STK10: variants seen among roughly 807,000 people sequenced by gnomAD.
The protein encoded by STK10 is serine/threonine-protein kinase 10.
A neutral mutation model predicts 113.8 loss-of-function variants in STK10; 78 were observed. The observed-to-expected ratio is 0.69, with a 90% CI of 0.57 to 0.83. The LOEUF is 0.83. Among genes scored for constraint, STK10 ranks in the 40% least tolerant of loss-of-function variants. The probability of loss-of-function intolerance (pLI) is 0.00; values close to 1 mark genes in which losing one functional copy is unlikely to be tolerated. For synonymous variants in STK10, 465 were observed against 494.7 expected (o/e 0.94, Z 0.80); for missense variants, 1,109 against 1,280.1 (o/e 0.87, Z 2.04).
chr5:172,101,998 G>A (rs987647512), intron 7 of STK10, among the ~76,000 whole-genome samples: 2 of 152,130 alleles, frequency 1.3e-5, no homozygotes, highest in African/African-American at 4.8e-5. Flanking sequence ...GCACTCTAAG[G>A]GGCCCTGAGA....
chr5:172,057,400 G>C lies in STK10; in HGVS notation c.2286C>G (p.Leu762=). ...QERHQLVKQQ[L]KDQYFLQRHE... ...GCCGCTGGAGGAAGTACTGGTCTTT[G>C]AGCTGCTGCTTCACCAGCTGGTGCC... Residue 762 remains leucine, a synonymous_variant, in exon 15 of 19, where the codon CTC becomes CTG. Transcript: ENST00000176763. 6.4e-7 allele frequency: 1 copy of C among 1,556,566 alleles called. No individual in the cohort carries two copies. The highest frequency in any genetic ancestry group is 8.7e-7 in the Non-Finnish European group (1 of 1,150,336).
intron 12 of STK10, among the ~76,000 whole-genome samples, chr5:172,079,124 A>G (rs1247950010): frequency 6.6e-6 from 1 of 152,158 alleles, no homozygotes; most frequent in East Asian, 1.9e-4. Context: ...TGTTAACAGG[A>G]TTATTAAAAT....
At chr5:172,123,235 A>G (rs1769552955) in intron 3 of STK10, among the ~76,000 whole-genome samples, 1 of 152,014 alleles carries the variant, frequency 6.6e-6, no homozygotes, top group Non-Finnish European at 1.5e-5. Context: ...GGTCAACACT[A>G]AACAGAGAGC....
intron 1 of STK10, among the ~76,000 whole-genome samples, chr5:172,164,809 G>A (rs867934307): frequency 6.6e-6 from 1 of 151,710 alleles, no homozygotes; most frequent in African/African-American, 2.4e-5. Context: ...ACAAGCGGCT[G>A]TCTGTGGCCT....
intron 2 of STK10, among the ~76,000 whole-genome samples, chr5:172,136,930 C>T (rs1444934234): frequency 3.3e-5 from 5 of 151,916 alleles, no homozygotes; most frequent in Non-Finnish European, 7.4e-5. Context: ...CACCCATCAA[C>T]CCATCATCTA....
At chr5:172,103,944 G>A (rs1769046875) in intron 7 of STK10, among the ~76,000 whole-genome samples, 1 of 152,142 alleles carries the variant, frequency 6.6e-6, no homozygotes, top group Non-Finnish European at 1.5e-5. Context: ...TTTGCCCAGG[G>A]GCTCACAGCC....
chr5:172,156,269 A>T (rs1476961486), intron 2 of STK10, among the ~76,000 whole-genome samples: 1 of 152,236 alleles, frequency 6.6e-6, no homozygotes, highest in Admixed American at 6.5e-5. Context: ...ACTTAATCGC[A>T]GTAATCACTC....
intron 1 of STK10, among the ~76,000 whole-genome samples, chr5:172,181,323 TA>T (rs1561837549): frequency 6.6e-6 from 1 of 152,216 alleles, no homozygotes. Context: ...ATGAAGTTTT[TA>T]AGTGCTGTGC....
intron 8 of STK10, among the ~76,000 whole-genome samples, chr5:172,094,251 C>T (rs993659607): frequency 6.6e-6 from 1 of 152,188 alleles, no homozygotes. Flanking sequence ...AGCTCATGGC[C>T]CACAGGGAGG....
intron 2 of STK10, among the ~76,000 whole-genome samples, chr5:172,138,795 G>A (rs927627331): frequency 6.6e-6 from 1 of 152,020 alleles, no homozygotes; most frequent in East Asian, 1.9e-4. Context: ...GGCGGATCAC[G>A]AGGTCAGGAG....
intron 1 of STK10, among the ~76,000 whole-genome samples, chr5:172,173,921 G>A (rs192926503): frequency 5.9e-5 from 9 of 152,316 alleles, no homozygotes; most frequent in East Asian, 1.9e-4. Context: ...TGATTTAGAC[G>A]TCACAGCTCA....
intron 2 of STK10, among the ~76,000 whole-genome samples, chr5:172,154,733 CA>C (rs1449928920): frequency 6.6e-6 from 1 of 152,230 alleles, no homozygotes; most frequent in Non-Finnish European, 1.5e-5. Context: ...AGTCTAGTTA[CA>C]AACTGTGTTT....
Position 172,120,050 on chromosome 5 carries a change from C to T in STK10, c.371-2420G>A, listed in dbSNP as rs549334665. Among the ~76,000 whole-genome samples, 27 of 151,842 alleles carry T rather than the reference C, an allele frequency of 1.8e-4. No individual in the cohort carries two copies. The highest frequency in any genetic ancestry group is 3.1e-4 in the Non-Finnish European group (21 of 67,906). On this transcript the variant is annotated intron_variant, in intron 3 of 18. Transcript: ENST00000176763. The surrounding 1 kb of genome is among the most constrained non-coding windows in gnomAD (Gnocchi z 4.0). ...AGGTGGAGCTGGCGGAATGTGGAGG[C>T]GGTGGGAGGAGGGGAGTGAGAAGAT...
At chr5:172,114,335 C>T (rs1242545632) in intron 4 of STK10, among the ~76,000 whole-genome samples, 3 of 146,458 alleles carry the variant, frequency 2.0e-5, no homozygotes, top group Non-Finnish European at 4.5e-5. Flanking sequence ...TTCTGATTAC[C>T]AAAGTCATGT....
At chr5:172,159,518 G>T (rs1476234715) in intron 1 of STK10, among the ~76,000 whole-genome samples, 1 of 152,094 alleles carries the variant, frequency 6.6e-6, no homozygotes, top group East Asian at 1.9e-4. Flanking sequence ...CTCCAGCCTG[G>T]GTGACAGGAA....
chr5:172,095,816 G>A (rs1484216993), intron 8 of STK10, among the ~76,000 whole-genome samples: 2 of 152,218 alleles, frequency 1.3e-5, no homozygotes, highest in African/African-American at 2.4e-5. Flanking sequence ...CCTATCCCTG[G>A]GAAGAGGCCT....
At chr5:172,141,977 A>G (rs1006695722) in intron 2 of STK10, among the ~76,000 whole-genome samples, 1 of 152,186 alleles carries the variant, frequency 6.6e-6, no homozygotes, top group African/African-American at 2.4e-5. Flanking sequence ...TCATAAATTT[A>G]TCAGGCACCT....
chr5:172,061,325 T>C, intron 13 of STK10, 57 bp from the exon 14 acceptor site: 6 of 1,539,482 alleles, frequency 3.9e-6, no homozygotes, highest in Non-Finnish European at 5.2e-6. Context: ...CACCTCCATG[T>C]CTCTTCCTAT....
intron 2 of STK10, among the ~76,000 whole-genome samples, chr5:172,151,930 GC>G (rs1581180534): frequency 6.6e-6 from 1 of 152,214 alleles, no homozygotes; most frequent in African/African-American, 2.4e-5. Context: ...CTGCCTCAGG[GC>G]CTGTGCACTT....
Sources: gnomAD v4.1 joint callset for allele counts (sites outside exome capture counted in the v4.1 genomes callset) on GRCh38, gnomAD v4.1.1 for gene constraint, Gnocchi (gnomAD v3.1) non-coding constraint, MANE v1.5 for transcripts, NCBI Gene and HGNC (gene_info 2026-07-23, HGNC 2026-07-21) for gene names.